Variants in TGS1 observed in about 807,000 individuals in gnomAD.
The protein encoded by TGS1 is trimethylguanosine synthase.
In TGS1, 69 loss-of-function variants were observed where a neutral mutation model predicts 92.2. That is an observed-to-expected ratio of 0.75 (90% CI 0.62 to 0.91). The LOEUF is 0.91. Ranked by LOEUF, TGS1 falls within the 40% of genes least tolerant of loss-of-function variation. The pLI is 0.00. For synonymous variants in TGS1, 345 were observed against 338.1 expected (o/e 1.02, Z -0.22); for missense variants, 1,062 against 1,001.2 (o/e 1.06, Z -0.82).
intron 12 of TGS1, among the ~76,000 whole-genome samples, chr8:55,822,287 G>A (rs2130263984): frequency 6.6e-6 from 1 of 152,068 alleles, no homozygotes; most frequent in East Asian, 1.9e-4. Flanking sequence ...TGCCAGGATG[G>A]TCTCGATCTC....
chr8:55,815,135 T>C (rs1261408021), intron 12 of TGS1, among the ~76,000 whole-genome samples: 1 of 152,244 alleles, frequency 6.6e-6, no homozygotes, highest in Non-Finnish European at 1.5e-5. Flanking sequence ...CAATTTATGC[T>C]GATTAACTTT....
Position 55,785,772 on chromosome 8 carries a change from T to A in TGS1, c.220T>A (p.Ser74Thr). 6.2e-7 allele frequency: 1 copy of A among 1,613,598 alleles called. No individual in the cohort carries two copies. Among genetic ancestry groups the A allele is most frequent in the Non-Finnish European group, 8.5e-7 (1 of 1,179,758 alleles). The change falls in exon 3 of 13, where the codon TCA becomes ACA. Residue 74 changes from serine to threonine, a missense_variant. Ser to Thr is a moderately conservative substitution (Grantham distance 58, BLOSUM62 1). Coordinates refer to ENST00000260129, the MANE Select transcript of TGS1 (RefSeq NM_024831.8). ...TGGTTATTCCTGTGGTACTGCAGAA[T>A]CACATGACAGCAAAGGCATAGGCCT... Reference protein sequence around the residue: ...EGGYSCGTAESHDSKGIGLDE... With the variant: ...EGGYSCGTAETHDSKGIGLDE...
intron 12 of TGS1, among the ~76,000 whole-genome samples, chr8:55,822,549 CTT>C (rs5891593): frequency 0.023 from 3,406 of 145,070 alleles, 139 homozygotes; most frequent in African/African-American, 0.082. Flanking sequence ...GACAAAATAC[CTT>C]TTTTTTTTTT....
chr8:55,808,959 T>C (rs1803267864), intron 10 of TGS1, among the ~76,000 whole-genome samples: 1 of 152,222 alleles, frequency 6.6e-6, no homozygotes, highest in African/African-American at 2.4e-5. Flanking sequence ...AGTTAAAGTA[T>C]AATTGACTTA....
chr8:55,824,040 C>T (rs1225639591), intron 12 of TGS1, among the ~76,000 whole-genome samples: 2 of 151,998 alleles, frequency 1.3e-5, no homozygotes, highest in South Asian at 2.1e-4. Flanking sequence ...TGCTTGAACC[C>T]GGGAGGCGGA....
chr8:55,785,898 A>G lies in TGS1; in HGVS notation c.339+7A>G. ...TGCACATAAGGATTTTGAGGTAAAT[A>G]TTAATTTACTTTTATTATTTCTCTC... is the stretch of plus-strand genomic sequence containing the variant. On this transcript the variant is annotated splice_region_variant and intron_variant, in intron 3 of 12. Transcript: ENST00000260129. The G allele has an allele frequency of 1.9e-6, 3 of 1,571,900 alleles. No individual in the cohort carries two copies. Among genetic ancestry groups the G allele is most frequent in the Non-Finnish European group, 2.6e-6 (3 of 1,158,424 alleles).
intron 12 of TGS1, among the ~76,000 whole-genome samples, chr8:55,815,947 T>TTTA (rs1803463157): frequency 1.4e-5 from 2 of 146,340 alleles, no homozygotes; most frequent in African/African-American, 5.4e-5. Flanking sequence ...TATTTATTTA[T>TTTA]TTTATTTATT....
At position 55,786,748 on chromosome 8, in the gene TGS1, G is replaced by A. The variant is rs773701156; in HGVS notation, c.850G>A (p.Asp284Asn). 2.0e-5 allele frequency: 33 copies of A among 1,613,994 alleles called. No individual in the cohort carries two copies. The highest frequency in any genetic ancestry group is 2.6e-5 in the Non-Finnish European group (31 of 1,180,036). The change falls in exon 4 of 13, where the codon GAT (aspartate) becomes AAT (asparagine). Residue 284 changes from aspartate to asparagine, a missense_variant. Transcript: ENST00000260129. ...TSKTEADDKN[D>N]EKCMKVDLVS... ...TAAAACAGAAGCTGATGACAAGAAC[G>A]ATGAAAAATGCATGAAAGTTGACTT...
chr8:55,780,178 T>A (rs1434065793), intron 1 of TGS1, among the ~76,000 whole-genome samples: 1 of 147,710 alleles, frequency 6.8e-6, no homozygotes, highest in Admixed American at 6.7e-5. Context: ...TTTTTTTTCT[T>A]TTTTTTTTTG....
chr8:55,797,994 C>G (rs1442984375), intron 7 of TGS1, among the ~76,000 whole-genome samples: 4 of 152,194 alleles, frequency 2.6e-5, no homozygotes, highest in Admixed American at 2.6e-4. Context: ...CTAGTTATAT[C>G]TGAAACAGAC....
intron 7 of TGS1, among the ~76,000 whole-genome samples, chr8:55,798,154 T>C (rs748050847): frequency 6.6e-6 from 1 of 152,244 alleles, no homozygotes; most frequent in African/African-American, 2.4e-5. Context: ...CTAACTTAGA[T>C]ACCTAATTTA....
Position 55,773,663 on chromosome 8 carries a change from C to T in TGS1, c.45C>T (p.Phe15=), listed in dbSNP as rs908270792. 4.3e-6 allele frequency: 7 copies of T among 1,611,540 alleles called. No homozygotes were observed. In the African/African-American group the frequency reaches 9.4e-5, roughly 22 times the overall value. Reference sequence around the variant, plus strand: ...GCCGCGTGGCGGAAATGTTTCTCTTCATTGAGGAGCGGGAGGATTGTAAGA... The same window carrying T: ...GCCGCGTGGCGGAAATGTTTCTCTTTATTGAGGAGCGGGAGGATTGTAAGA... ...KWSRVAEMFL[F]IEEREDCKIL... is the part of the protein sequence containing the mutation. The change falls in exon 1 of 13, where the codon TTC becomes TTT. Residue 15 remains phenylalanine (F), a synonymous_variant. Transcript: ENST00000260129.
intron 7 of TGS1, among the ~76,000 whole-genome samples, chr8:55,797,018 T>C (rs1240535045): frequency 6.6e-6 from 1 of 152,010 alleles, no homozygotes; most frequent in South Asian, 2.1e-4. Context: ...GCCTATGTAG[T>C]AACAGACAAG....
In TGS1 at chr8:55,793,416, C is replaced by T. The variant is rs113424516; in HGVS notation, c.1367+632C>T. On this transcript the variant is annotated intron_variant, in intron 6 of 12. Transcript: ENST00000260129. ...CTGAGATGGGAGGATCACTTCAGCCCGGGAGGTTGAGGGTGCTGTGATCCA... is the reference window on the plus strand; with the variant it reads ...CTGAGATGGGAGGATCACTTCAGCCTGGGAGGTTGAGGGTGCTGTGATCCA... 5.9e-3 allele frequency among the ~76,000 whole-genome samples: 897 copies of T among 152,078 alleles called. 6 individuals carry two copies. The highest frequency in any genetic ancestry group is 0.02 in the African/African-American group (837 of 41,466).
Position 55,786,229 on chromosome 8 carries a change from C to T in TGS1, c.340-9C>T, listed in dbSNP as rs1289426623. ...TGCATTTTATATTCAAGTTATTTATCTGATATAGGTATCTATGAATACTAG... is the reference window on the plus strand; with the variant it reads ...TGCATTTTATATTCAAGTTATTTATTTGATATAGGTATCTATGAATACTAG... On this transcript the variant is annotated splice_polypyrimidine_tract_variant and intron_variant, in intron 3 of 12. Coordinates refer to ENST00000260129, the MANE Select transcript of TGS1 (RefSeq NM_024831.8). 1.6e-6 allele frequency: 2 copies of T among 1,231,212 alleles called. No homozygotes were observed. Among genetic ancestry groups the T allele is most frequent in the Admixed American group, 2.9e-5 (1 of 34,952 alleles). The allele number at this position is 1,231,212 out of a possible 1,614,324, so 76.3% of individuals were successfully genotyped here. A position where few individuals can be genotyped will look rare whatever the true frequency, so the allele number is the denominator to read the frequency against.
chr8:55,783,639 C>A (rs1304280299), intron 2 of TGS1, among the ~76,000 whole-genome samples: 1 of 152,170 alleles, frequency 6.6e-6, no homozygotes. Flanking sequence ...TCAAACTTCC[C>A]TACTGCATTT....
intron 7 of TGS1, among the ~76,000 whole-genome samples, chr8:55,797,528 T>C (rs1812094245): frequency 6.6e-6 from 1 of 152,204 alleles, no homozygotes; most frequent in South Asian, 2.1e-4. Flanking sequence ...TCAGTCACAG[T>C]TTACACCTTG....
chr8:55,804,600 T>G (rs1001227263), intron 9 of TGS1, among the ~76,000 whole-genome samples: 1 of 152,120 alleles, frequency 6.6e-6, no homozygotes, highest in Non-Finnish European at 1.5e-5. Flanking sequence ...AGTTAAAGCC[T>G]CAAAGAGAAA....
At chr8:55,787,475 G>A (rs532522115) in intron 4 of TGS1, among the ~76,000 whole-genome samples, 1 of 152,206 alleles carries the variant, frequency 6.6e-6, no homozygotes, top group South Asian at 2.1e-4. Flanking sequence ...GTGAAGTCTT[G>A]CTGTGAAAAA....
Sources: allele counts gnomAD v4.1 joint callset (sites outside exome capture counted in the v4.1 genomes callset), GRCh38; gene constraint gnomAD v4.1.1; transcripts MANE v1.5; gene names NCBI Gene and HGNC (gene_info 2026-07-23, HGNC 2026-07-21).